ADCY3: variants seen among roughly 807,000 people sequenced by gnomAD.
ADCY3 encodes adenylate cyclase type 3.
A neutral mutation model predicts 119.4 loss-of-function variants in ADCY3; 70 were observed. That is an observed-to-expected ratio of 0.59 (90% confidence interval 0.48 to 0.72). The LOEUF is 0.72. Among genes scored for constraint, ADCY3 ranks in the 30% least tolerant of loss-of-function variants. The pLI is 0.00. For synonymous variants in ADCY3, 672 were observed against 621.4 expected (o/e 1.08, Z -1.21); for missense variants, 1,238 against 1,541.6 (o/e 0.80, Z 3.30).
rs1453285945 is a variant in ADCY3 at position 24,899,848 on chromosome 2, AG to A, written c.675+18464del. Among the ~76,000 whole-genome samples, 1 of 152,212 alleles carries A rather than the reference AG, an allele frequency of 6.6e-6. No individual in the cohort carries two copies. The highest frequency in any genetic ancestry group is 1.9e-4 in the East Asian group (1 of 5,192). On this transcript the variant is annotated intron_variant, in intron 2 of 21. Coordinates refer to ENST00000679454, the MANE Select transcript of ADCY3 (RefSeq NM_004036.5). This position sits in a 1 kb window ranked among gnomAD's most constrained non-coding sequence, Gnocchi z 4.5. ...CATTTGGCAATGGGTACCTATGAGA[AG>A]GGGAGCAAGGGAAGGAAGGAGGACT...
intron 2 of ADCY3, among the ~76,000 whole-genome samples, chr2:24,875,649 C>A (rs1022574413): frequency 1.3e-5 from 2 of 152,214 alleles, no homozygotes; most frequent in African/African-American, 4.8e-5. Flanking sequence ...GCAACACTGA[C>A]GTGCAGCCTG....
intron 7 of ADCY3, chr2:24,838,834 G>A (rs758655191): frequency 2.7e-5 from 43 of 1,606,732 alleles, no homozygotes; most frequent in Middle Eastern, 1.7e-4. Context: ...TGTGTGGGCC[G>A]TATGGCACTT....
chr2:24,830,716 A>G lies in ADCY3; in HGVS notation c.2165T>C (p.Val722Ala), dbSNP rs758408258. Reference protein sequence around the residue: ...AIFILVMANVVDMLSCLQYYT... With the variant: ...AIFILVMANVADMLSCLQYYT... Reference sequence around the variant, plus strand: ...AGGACAGCAGGAGCTCACCATGTCCACGACATTTGCCATCACCAGGATGAA... The same window carrying G: ...AGGACAGCAGGAGCTCACCATGTCCGCGACATTTGCCATCACCAGGATGAA... The change falls in exon 13 of 22, where the codon GTG becomes GCG. Residue 722 changes from valine to alanine, a missense_variant. Physicochemically the swap from Val to Ala is moderately conservative, Grantham distance 64. Coordinates refer to ENST00000679454, the MANE Select transcript of ADCY3 (RefSeq NM_004036.5). The G allele has an allele frequency of 1.2e-6, 2 of 1,613,846 alleles. No homozygotes were observed. Among genetic ancestry groups the G allele is most frequent in the South Asian group, 1.1e-5 (1 of 91,042 alleles).
At chr2:24,830,129 C>T (rs909430734) in intron 13 of ADCY3, among the ~76,000 whole-genome samples, 1 of 150,672 alleles carries the variant, frequency 6.6e-6, no homozygotes, top group African/African-American at 2.5e-5. Flanking sequence ...CAACCTCCGC[C>T]TCCTGGGTTC....
intron 16 of ADCY3, among the ~76,000 whole-genome samples, chr2:24,824,745 C>T (rs989541979): frequency 6.6e-5 from 10 of 152,062 alleles, no homozygotes; most frequent in East Asian, 1.9e-4. Context: ...AAAAATTAGC[C>T]GGGCATGGTG....
chr2:24,825,982 C>T, intron 16 of ADCY3, 63 bp downstream of exon 16: 1 of 1,526,780 alleles, frequency 6.5e-7, no homozygotes, highest in African/African-American at 1.4e-5. Context: ...GGTCCCAGGG[C>T]TGCTTCTCAG....
At chr2:24,904,202 G>A (rs773973710) in intron 2 of ADCY3, among the ~76,000 whole-genome samples, 2 of 152,190 alleles carry the variant, frequency 1.3e-5, no homozygotes, top group African/African-American at 2.4e-5. Context: ...AGAAAGAAAA[G>A]AGGCAGAGAG....
In ADCY3 at chr2:24,872,238, T is replaced by C. The variant is rs1675108924; in HGVS notation, c.825+332A>G. ...CCGAGAAGGTCATCTGAGAAAGGAA[T>C]GCAGGAAGTCATAGCTGGCTGCTTG... On this transcript the variant is annotated intron_variant, in intron 3 of 21. Coordinates refer to ENST00000679454, the MANE Select transcript of ADCY3 (RefSeq NM_004036.5). This position sits in a 1 kb window ranked among gnomAD's most constrained non-coding sequence, Gnocchi z 4.4. 6.6e-6 allele frequency among the ~76,000 whole-genome samples: 1 copy of C among 152,178 alleles called. No homozygotes were observed. Among genetic ancestry groups the C allele is most frequent in the African/African-American group, 2.4e-5 (1 of 41,446 alleles).
chr2:24,901,184 G>A (rs780975529), intron 2 of ADCY3, among the ~76,000 whole-genome samples: 2 of 152,202 alleles, frequency 1.3e-5, no homozygotes, highest in African/African-American at 2.4e-5. Context: ...CGAGACACTG[G>A]ATCCACCAAG....
At chr2:24,873,305 C>T (rs917519539) in intron 2 of ADCY3, among the ~76,000 whole-genome samples, 7 of 152,186 alleles carry the variant, frequency 4.6e-5, no homozygotes, top group Non-Finnish European at 1.0e-4. Context: ...TTCTAGTTTT[C>T]TGGGATTCAC....
intron 2 of ADCY3, among the ~76,000 whole-genome samples, chr2:24,880,268 G>C (rs1421249598): frequency 6.6e-6 from 1 of 152,254 alleles, no homozygotes; most frequent in African/African-American, 2.4e-5. Flanking sequence ...CAGGCAGCTA[G>C]AGCAGCTTCT....
rs1664919781 is a variant in ADCY3 at position 24,920,070 on chromosome 2, T to C, written c.-585A>G. Among the ~76,000 whole-genome samples the C allele has an allele frequency of 7.0e-6, 1 of 143,816 alleles. No homozygotes were observed. 94.3% of individuals were successfully genotyped at this position (143,816 alleles called of 152,430 possible). A position where few individuals can be genotyped will look rare whatever the true frequency, so the allele number is the denominator to read the frequency against. On this transcript the variant is annotated 5_prime_UTR_variant, in exon 1 of 22. An upstream open reading frame in the 5' UTR loses its in-frame stop. Transcript: ENST00000679454. This position sits in a 1 kb window ranked among gnomAD's most constrained non-coding sequence, Gnocchi z 4.5. Reference sequence around the variant, plus strand: ...CTGCACCCGCGGCGGCGGCGGCTGCTAGGGGCGCGCGCGGGGCCCTCCCCG... The same window carrying C: ...CTGCACCCGCGGCGGCGGCGGCTGCCAGGGGCGCGCGCGGGGCCCTCCCCG...
intron 7 of ADCY3, chr2:24,839,001 G>A: frequency 3.2e-6 from 3 of 938,384 alleles, no homozygotes; most frequent in Non-Finnish European, 4.4e-6. Flanking sequence ...GGAGTGCAGT[G>A]GCTTGATCTT....
At chr2:24,840,969 C>T (rs1033338310) in intron 6 of ADCY3, among the ~76,000 whole-genome samples, 3 of 152,224 alleles carry the variant, frequency 2.0e-5, no homozygotes, top group Non-Finnish European at 4.4e-5. Context: ...TGAGAAAATT[C>T]ACAACTGCAA....
intron 2 of ADCY3, among the ~76,000 whole-genome samples, chr2:24,884,471 C>CTTTTTTTTTTTTTTTTTTT (rs1201387570): frequency 1.0e-5 from 1 of 97,860 alleles, no homozygotes; most frequent in African/African-American, 4.9e-5. Context: ...TTCTAATAAT[C>CTTTTTTTTTTTTTTTTTTT]TTTTTTTTTT....
At chr2:24,884,420 C>T (rs1676765500) in intron 2 of ADCY3, among the ~76,000 whole-genome samples, 1 of 151,728 alleles carries the variant, frequency 6.6e-6, no homozygotes, top group Admixed American at 6.6e-5. Context: ...TCTTCCTATG[C>T]CTATCCCCTA....
chr2:24,904,346 A>G (rs1050108572), intron 2 of ADCY3, among the ~76,000 whole-genome samples: 1 of 152,120 alleles, frequency 6.6e-6, no homozygotes, highest in Non-Finnish European at 1.5e-5. Flanking sequence ...CCTGACCAAC[A>G]TGGCGAAACC....
intron 3 of ADCY3, among the ~76,000 whole-genome samples, chr2:24,865,229 T>C (rs905801103): frequency 6.6e-6 from 1 of 151,940 alleles, no homozygotes; most frequent in Non-Finnish European, 1.5e-5. Context: ...CAGATCACTT[T>C]AGGTAAGGAG....
chr2:24,821,341 GTCA>G (rs1406190010), intron 20 of ADCY3, 173 bp downstream of exon 20: 3 of 898,132 alleles, frequency 3.3e-6, no homozygotes, highest in Non-Finnish European at 3.3e-6. Context: ...TTTTGGTTTA[GTCA>G]TCTAGAGTCG....
Sources: gnomAD v4.1 joint callset for allele counts (sites outside exome capture counted in the v4.1 genomes callset) on GRCh38, gnomAD v4.1.1 for gene constraint, Gnocchi (gnomAD v3.1) non-coding constraint, MANE v1.5 for transcripts, NCBI Gene and HGNC (gene_info 2026-07-23, HGNC 2026-07-21) for gene names.